NDUFS4: variants seen among roughly 807,000 people sequenced by gnomAD.
NDUFS4 encodes the protein NADH:ubiquinone oxidoreductase subunit S4, also known as NADH dehydrogenase [ubiquinone] iron-sulfur protein 4, mitochondrial.
Under a neutral mutation model 24.3 loss-of-function variants are expected in NDUFS4, and 28 were observed. The ratio of observed to expected loss-of-function variants is 1.15; its 90% CI spans 0.85 to 1.58. The LOEUF (loss-of-function observed/expected upper bound fraction) is 1.58. Ranked by LOEUF, NDUFS4 falls within the 40% of genes most tolerant of loss-of-function variation. The pLI is 0.00. For synonymous variants in NDUFS4, 93 were observed against 69.7 expected, an observed-to-expected ratio of 1.34 and a Z score of -1.67; for missense variants, 223 against 207.9, an observed-to-expected ratio of 1.07 and a Z score of -0.45.
At chr5:53,645,990 G>A (rs992978651) in intron 2 of NDUFS4, among the ~76,000 whole-genome samples, 8 of 152,116 alleles carry the variant, frequency 5.3e-5, no homozygotes, top group African/African-American at 1.7e-4. Context: ...ACAAAAGGGC[G>A]TAAATTTTTT....
At chr5:53,654,787 T>G (rs1752116729) in intron 3 of NDUFS4, among the ~76,000 whole-genome samples, 2 of 152,212 alleles carry the variant, frequency 1.3e-5, no homozygotes, top group Non-Finnish European at 2.9e-5. Flanking sequence ...TATGCATGAA[T>G]AGTTCTCTTA....
chr5:53,567,789 G>T (rs1253119940), intron 1 of NDUFS4, among the ~76,000 whole-genome samples: 2 of 151,958 alleles, frequency 1.3e-5, no homozygotes, highest in African/African-American at 4.8e-5. Context: ...TTAGAATTTT[G>T]TATAAAACAA....
At chr5:53,566,856 T>G (rs1749043761) in intron 1 of NDUFS4, among the ~76,000 whole-genome samples, 1 of 151,520 alleles carries the variant, frequency 6.6e-6, no homozygotes, top group Non-Finnish European at 1.5e-5. Context: ...AGTATTTTTT[T>G]TTTTTTTTTT....
Position 53,595,412 on chromosome 5 carries a change from C to T in NDUFS4, c.99-8040C>T, listed in dbSNP as rs181187794. Among the ~76,000 whole-genome samples, 657 of 152,244 alleles carry T rather than the reference C, an allele frequency of 4.3e-3. 2 individuals are homozygous for T. The highest frequency in any genetic ancestry group is 6.4e-3 in the Admixed American group (98 of 15,288). On this transcript the variant is annotated intron_variant, in intron 1 of 4. Coordinates refer to ENST00000296684, the MANE Select transcript of NDUFS4 (RefSeq NM_002495.4). ...ACACAGTTTCTTCCATTAAGGCATT[C>T]CAAGCCAGTAGACGTATTCTTCTGT...
intron 2 of NDUFS4, among the ~76,000 whole-genome samples, chr5:53,606,688 T>A (rs1202706550): frequency 6.6e-6 from 1 of 152,052 alleles, no homozygotes; most frequent in African/African-American, 2.4e-5. Flanking sequence ...AATAACCAGA[T>A]CCCATAAGAA....
At chr5:53,654,657 C>A (rs1752113509) in intron 3 of NDUFS4, among the ~76,000 whole-genome samples, 1 of 152,090 alleles carries the variant, frequency 6.6e-6, no homozygotes, top group South Asian at 2.1e-4. Context: ...GATACTTAAA[C>A]TAAAAAATAA....
chr5:53,672,855 A>G (rs369414440), intron 4 of NDUFS4, among the ~76,000 whole-genome samples: 18 of 152,260 alleles, frequency 1.2e-4, no homozygotes, highest in East Asian at 9.6e-4. Context: ...AAAATCTAGT[A>G]AAAAGATTCA....
intron 1 of NDUFS4, among the ~76,000 whole-genome samples, chr5:53,603,035 T>G (rs1229327021): frequency 1.3e-5 from 2 of 152,192 alleles, no homozygotes; most frequent in African/African-American, 2.4e-5. Flanking sequence ...TGAATAAACT[T>G]TTTATTATGA....
At chr5:53,634,312 C>T (rs968689125) in intron 2 of NDUFS4, among the ~76,000 whole-genome samples, 3 of 152,062 alleles carry the variant, frequency 2.0e-5, no homozygotes, top group Non-Finnish European at 2.9e-5. Context: ...CTCTTATTTC[C>T]AGTGTCCTTT....
rs150489459 is a variant in NDUFS4, at chr5:53,579,668, A to G, written c.98+18908A>G. ...AAGTTCGAGGCTTCAGTGAGCTATG[A>G]TTGCGCCACTGCACCCCAGCCTGGG... is the stretch of plus-strand genomic sequence containing the variant. On this transcript the variant is annotated intron_variant, in intron 1 of 4. Transcript: ENST00000296684. 8.5e-5 allele frequency among the ~76,000 whole-genome samples: 13 copies of G among 152,306 alleles called. No individual in the cohort carries two copies. The East Asian group carries it at 2.3e-3, about 27-fold the overall frequency.
At chr5:53,659,360 A>C (rs1396452530) in intron 4 of NDUFS4, among the ~76,000 whole-genome samples, 2 of 152,178 alleles carry the variant, frequency 1.3e-5, no homozygotes, top group East Asian at 3.9e-4. Context: ...TGGTTATGCC[A>C]CTTTGAAGCT....
chr5:53,587,163 C>T (rs1040812492), intron 1 of NDUFS4, among the ~76,000 whole-genome samples: 4 of 152,082 alleles, frequency 2.6e-5, no homozygotes, highest in African/African-American at 9.7e-5. Context: ...GAGTCTCCTT[C>T]TCTATCCCAT....
chr5:53,635,939 TATACTACTA>T (rs1416469699), intron 2 of NDUFS4, among the ~76,000 whole-genome samples: 1 of 152,244 alleles, frequency 6.6e-6, no homozygotes, highest in Non-Finnish European at 1.5e-5. Context: ...TGTCAAATCA[TATACTACTA>T]TTAGGGAGAA....
At chr5:53,607,509 G>A (rs1579866078) in intron 2 of NDUFS4, among the ~76,000 whole-genome samples, 1 of 152,088 alleles carries the variant, frequency 6.6e-6, no homozygotes, top group African/African-American at 2.4e-5. Context: ...TGTTCTAGTG[G>A]GATTGGTAAT....
At chr5:53,628,968 G>T (rs60308929) in intron 2 of NDUFS4, among the ~76,000 whole-genome samples, 2 of 151,912 alleles carry the variant, frequency 1.3e-5, no homozygotes, top group Non-Finnish European at 2.9e-5. Context: ...AAATTGTGAT[G>T]TTAGGGTGTC....
chr5:53,680,204 A>G (rs1175837781), intron 4 of NDUFS4, among the ~76,000 whole-genome samples: 1 of 152,150 alleles, frequency 6.6e-6, no homozygotes, highest in African/African-American at 2.4e-5. Context: ...ATTAAGATAT[A>G]TATTATAATG....
chr5:53,640,183 G>GT (rs1182414234), intron 2 of NDUFS4, among the ~76,000 whole-genome samples: 3 of 152,082 alleles, frequency 2.0e-5, no homozygotes, highest in Admixed American at 2.0e-4. Flanking sequence ...AGGGGCTGAA[G>GT]TGGAAAGTGA....
At chr5:53,601,470 T>C (rs1750323411) in intron 1 of NDUFS4, among the ~76,000 whole-genome samples, 1 of 152,188 alleles carries the variant, frequency 6.6e-6, no homozygotes, top group Non-Finnish European at 1.5e-5. Flanking sequence ...TCTTAAACAA[T>C]TAGGACATAA....
At position 53,603,466 on chromosome 5, in the gene NDUFS4, C is replaced by G. The variant is rs749077486; in HGVS notation, c.113C>G (p.Ser38Cys). The change falls in exon 2 of 5, where the codon TCC becomes TGC. Residue 38 changes from serine to cysteine, a missense_variant. Transcript: ENST00000296684. ...TTGCACTGCAGGTCGTTGAGGACTT[C>G]CACATGGAGATTGGCACAGGACCAG... The part of the protein sequence containing the change: ...SRVPTRSLRT[S>C]TWRLAQDQTQ... 6.2e-7 allele frequency: 1 copy of G among 1,613,438 alleles called. No individual in the cohort carries two copies. Among genetic ancestry groups the G allele is most frequent in the Non-Finnish European group, 8.5e-7 (1 of 1,179,782 alleles).
Sources: allele counts gnomAD v4.1 joint callset (sites outside exome capture counted in the v4.1 genomes callset), GRCh38; gene constraint gnomAD v4.1.1; transcripts MANE v1.5; gene names NCBI Gene and HGNC (gene_info 2026-07-23, HGNC 2026-07-21).